The following CFAP299 variants were observed in gnomAD, a reference collection of about 807,000 sequenced individuals.
CFAP299 encodes cilia- and flagella-associated protein 299.
A neutral mutation model predicts 27.0 loss-of-function variants in CFAP299; 21 were observed. The observed-to-expected ratio is 0.78, with a 90% CI of 0.55 to 1.12. The LOEUF (loss-of-function observed/expected upper bound fraction) is 1.12, where lower values mean the gene tolerates loss of function less well. Ranked by LOEUF, CFAP299 falls within the 50% of genes most tolerant of loss-of-function variation. CFAP299 has a pLI of 0.00. For synonymous variants in CFAP299, 104 were observed against 98.1 expected, an observed-to-expected ratio of 1.06 and a Z score of -0.36; for missense variants, 310 against 276.6, an observed-to-expected ratio of 1.12 and a Z score of -0.86.
intron 2 of CFAP299, among the ~76,000 whole-genome samples, chr4:80,525,579 A>G (rs6851882): frequency 0.018 from 2,764 of 152,220 alleles, 78 homozygotes; most frequent in African/African-American, 0.06. Context: ...ATCTTTCAAG[A>G]GCTCTTAGGA....
At chr4:80,885,048 G>A (rs955727629) in intron 4 of CFAP299, among the ~76,000 whole-genome samples, 1 of 152,170 alleles carries the variant, frequency 6.6e-6, no homozygotes, top group African/African-American at 2.4e-5. Flanking sequence ...TGAGCTTTGG[G>A]GAGGGAGAGT....
intron 2 of CFAP299, among the ~76,000 whole-genome samples, chr4:80,390,890 TAC>T (rs1242356040): frequency 3.1e-5 from 2 of 64,822 alleles, no homozygotes; most frequent in African/African-American, 7.3e-5. Flanking sequence ...TATATGTATA[TAC>T]ACACATATGC....
intron 2 of CFAP299, among the ~76,000 whole-genome samples, chr4:80,381,231 G>A (rs1724682371): frequency 6.6e-6 from 1 of 151,906 alleles, no homozygotes; most frequent in Non-Finnish European, 1.5e-5. Flanking sequence ...ATGCCAAAAT[G>A]CCATTTTTAT....
At chr4:80,333,866 A>G (rs533143424), upstream of CFAP299, among the ~76,000 whole-genome samples, 216 of 152,378 alleles carry the variant, frequency 1.4e-3, no homozygotes, top group African/African-American at 5.0e-3. Flanking sequence ...CAATGAAAAG[A>G]GAAGCTTGCC....
At chr4:80,362,938 G>A in intron 2 of CFAP299, 54 bp downstream of exon 2, 1 of 1,527,458 alleles carries the variant, frequency 6.5e-7, no homozygotes, top group African/African-American at 1.4e-5. Context: ...GACCTCTGGA[G>A]TAATTCAATT....
intron 2 of CFAP299, among the ~76,000 whole-genome samples, chr4:80,515,127 C>T (rs1732517555): frequency 6.6e-6 from 1 of 152,128 alleles, no homozygotes; most frequent in African/African-American, 2.4e-5. Flanking sequence ...TTAATTTTAA[C>T]ATCCAAAGAA....
chr4:80,711,520 A>T (rs866269346), intron 3 of CFAP299, among the ~76,000 whole-genome samples: 1 of 152,150 alleles, frequency 6.6e-6, no homozygotes, highest in African/African-American at 2.4e-5. Context: ...CCTAGGCGTG[A>T]CAACTGGTGT....
intron 3 of CFAP299, among the ~76,000 whole-genome samples, chr4:80,834,983 G>C (rs1054963314): frequency 6.6e-6 from 1 of 152,130 alleles, no homozygotes; most frequent in African/African-American, 2.4e-5. Context: ...GTAGAAAGTT[G>C]TATTAAAGTC....
At chr4:80,627,335 G>T (rs1239999687) in intron 3 of CFAP299, among the ~76,000 whole-genome samples, 1 of 151,834 alleles carries the variant, frequency 6.6e-6, no homozygotes, top group African/African-American at 2.4e-5. Flanking sequence ...AGGTATAGAA[G>T]GAATGTACTT....
intron 4 of CFAP299, chr4:80,871,467 C>A: frequency 2.0e-6 from 2 of 985,376 alleles, no homozygotes; most frequent in South Asian, 9.4e-5. Flanking sequence ...GGTTTCCAAA[C>A]TCAATTGAGT....
At chr4:80,784,318 T>C (rs940915499) in intron 3 of CFAP299, among the ~76,000 whole-genome samples, 4 of 152,166 alleles carry the variant, frequency 2.6e-5, no homozygotes, top group Non-Finnish European at 5.9e-5. Flanking sequence ...CCACTAACAG[T>C]GTACGAAGGT....
At chr4:80,349,669 GAAAA>G (rs1560524586) in intron 1 of CFAP299, among the ~76,000 whole-genome samples, 3 of 151,810 alleles carry the variant, frequency 2.0e-5, no homozygotes, top group Non-Finnish European at 4.4e-5. Context: ...AATGTAAAAA[GAAAA>G]AAAGATTATT....
At chr4:80,516,295 A>G (rs2110169366) in intron 2 of CFAP299, among the ~76,000 whole-genome samples, 1 of 152,258 alleles carries the variant, frequency 6.6e-6, no homozygotes, top group Admixed American at 6.5e-5. Context: ...TGCTGAGATT[A>G]CAGGTGTGAG....
At chr4:80,403,354 A>G (rs1027135345) in intron 2 of CFAP299, among the ~76,000 whole-genome samples, 5 of 152,370 alleles carry the variant, frequency 3.3e-5, no homozygotes, top group East Asian at 1.9e-4. Context: ...AAGAAGATAC[A>G]GTATAGGAAA....
chr4:80,347,724 A>G (rs1347668902), intron 1 of CFAP299, among the ~76,000 whole-genome samples: 2 of 152,136 alleles, frequency 1.3e-5, no homozygotes, highest in Non-Finnish European at 2.9e-5. Flanking sequence ...ATTTATAGAT[A>G]CAATGCTATT....
intron 2 of CFAP299, among the ~76,000 whole-genome samples, chr4:80,363,529 T>G (rs1393125596): frequency 2.6e-5 from 4 of 152,168 alleles, no homozygotes; most frequent in African/African-American, 9.7e-5. Flanking sequence ...GGATAATTAC[T>G]TAGAAATCAG....
intron 3 of CFAP299, among the ~76,000 whole-genome samples, chr4:80,610,227 G>A (rs908229518): frequency 2.0e-5 from 3 of 151,946 alleles, no homozygotes; most frequent in Non-Finnish European, 4.4e-5. Context: ...GTGAAGTGTG[G>A]ACAGAAATGA....
At chr4:80,600,624 A>C (rs144683765) in intron 3 of CFAP299, among the ~76,000 whole-genome samples, 3 of 152,168 alleles carry the variant, frequency 2.0e-5, no homozygotes, top group Non-Finnish European at 4.4e-5. Context: ...TACTGTAGCT[A>C]TCATGACAAT....
At chr4:80,963,468 G>T in intron 5 of CFAP299, 49 bp from the exon 6 acceptor site, 1 of 1,306,888 alleles carries the variant, frequency 7.7e-7, no homozygotes, top group East Asian at 2.4e-5. Flanking sequence ...TTTAAAAAAG[G>T]CCAAGTATTT....
Sources: gnomAD v4.1 joint callset for allele counts (sites outside exome capture counted in the v4.1 genomes callset) on GRCh38, gnomAD v4.1.1 for gene constraint, MANE v1.5 for transcripts, NCBI Gene and HGNC (gene_info 2026-07-23, HGNC 2026-07-21) for gene names.